ANKRD13C: variants seen among roughly 807,000 people sequenced by gnomAD.
ANKRD13C encodes the protein ankyrin repeat domain 13C, also known as ankyrin repeat domain-containing protein 13C.
ANKRD13C carries 16 observed loss-of-function variants against 65.5 expected under a neutral mutation model. The ratio of observed to expected loss-of-function variants is 0.24; its 90% CI spans 0.17 to 0.37. The LOEUF is 0.37. ANKRD13C is among the 10% of genes least tolerant of loss of function. The probability of loss-of-function intolerance (pLI) is 1.00; values close to 1 mark genes in which losing one functional copy is unlikely to be tolerated. For missense variants in ANKRD13C, 503 were observed against 655.9 expected (o/e 0.77, Z 2.55); for synonymous variants, 235 against 238.7 (o/e 0.98, Z 0.14).
intron 1 of ANKRD13C, among the ~76,000 whole-genome samples, chr1:70,348,952 C>CATA (rs1682639278): frequency 6.6e-6 from 1 of 152,146 alleles, no homozygotes; most frequent in Admixed American, 6.5e-5. Context: ...TTGAGCAATT[C>CATA]ATATGTTCAG....
intron 1 of ANKRD13C, among the ~76,000 whole-genome samples, chr1:70,345,387 C>T (rs1049751711): frequency 1.3e-5 from 2 of 151,870 alleles, no homozygotes; most frequent in Admixed American, 1.3e-4. Flanking sequence ...CGAAATCGCA[C>T]CATTGCACTC....
At chr1:70,267,266 A>G (rs1241643432) in intron 12 of ANKRD13C, among the ~76,000 whole-genome samples, 1 of 152,122 alleles carries the variant, frequency 6.6e-6, no homozygotes, top group Non-Finnish European at 1.5e-5. Flanking sequence ...TAGTGTTTGC[A>G]TGATATATCT....
chr1:70,310,418 C>A (rs1304366946), intron 5 of ANKRD13C, among the ~76,000 whole-genome samples: 1 of 152,112 alleles, frequency 6.6e-6, no homozygotes, highest in African/African-American at 2.4e-5. Flanking sequence ...CTAATCATCA[C>A]GTATTAATAG....
At chr1:70,344,279 G>C (rs1195678575) in intron 1 of ANKRD13C, among the ~76,000 whole-genome samples, 1 of 130,658 alleles carries the variant, frequency 7.7e-6, no homozygotes, top group African/African-American at 3.0e-5. Flanking sequence ...CTGGGCAACA[G>C]AGCAAGATTC....
intron 9 of ANKRD13C, among the ~76,000 whole-genome samples, chr1:70,280,233 G>T (rs1679327943): frequency 6.6e-6 from 1 of 152,130 alleles, no homozygotes; most frequent in Non-Finnish European, 1.5e-5. Flanking sequence ...GGTGACAGGG[G>T]CTACAGAATG....
chr1:70,299,270 A>T (rs569718434), intron 7 of ANKRD13C, among the ~76,000 whole-genome samples: 75 of 152,312 alleles, frequency 4.9e-4, no homozygotes, highest in Non-Finnish European at 7.5e-4. Context: ...GGGTATCTAA[A>T]ATAGTAAGGT....
intron 9 of ANKRD13C, among the ~76,000 whole-genome samples, chr1:70,277,591 T>C (rs908038572): frequency 8.1e-5 from 12 of 148,448 alleles, no homozygotes; most frequent in African/African-American, 2.5e-4. Context: ...TTATAGAAAA[T>C]AGAAAATATA....
At chr1:70,336,803 G>T (rs1356532686) in intron 1 of ANKRD13C, among the ~76,000 whole-genome samples, 1 of 152,142 alleles carries the variant, frequency 6.6e-6, no homozygotes, top group Non-Finnish European at 1.5e-5. Flanking sequence ...AGTAAAGAAT[G>T]ATATTGGAAT....
rs1680116683 is a variant in ANKRD13C at position 70,297,181 on chromosome 1, AAT to A, written c.922-922_922-921del. On this transcript the variant is annotated intron_variant, in intron 7 of 12. Coordinates refer to ENST00000370944, the MANE Select transcript of ANKRD13C (RefSeq NM_030816.5). ...AATAATAACAGTCCCTAGGGTTTACAATAGTTAGAGCCTTCATTCTCCAAACC... is the reference window on the plus strand; with the variant it reads ...AATAATAACAGTCCCTAGGGTTTACAAGTTAGAGCCTTCATTCTCCAAACC... Among the ~76,000 whole-genome samples, 3 of 152,068 alleles carry A rather than the reference AAT, an allele frequency of 2.0e-5. No homozygotes were observed. In the South Asian group the frequency reaches 6.2e-4, roughly 32 times the overall value.
chr1:70,324,104 G>A (rs1681432729), intron 3 of ANKRD13C, among the ~76,000 whole-genome samples: 1 of 152,130 alleles, frequency 6.6e-6, no homozygotes, highest in African/African-American at 2.4e-5. Context: ...ACACCTAGGA[G>A]AGTTCCACAT....
At position 70,336,041 on chromosome 1, in the gene ANKRD13C, A is replaced by G. The variant is rs1225360445; in HGVS notation, c.472+17T>C. 4 of 799,550 alleles carry G rather than the reference A, an allele frequency of 5.0e-6. No individual in the cohort carries two copies. Among genetic ancestry groups the G allele is most frequent in the South Asian group, 4.8e-5 (2 of 41,538 alleles). The allele number at this position is 799,550 out of a possible 1,614,324, so 49.5% of individuals were successfully genotyped here. ...TATAAATGAAGTTAAACATAAAAAA[A>G]GAAAATATTTACTAACCTTTATTTC... On this transcript the variant is annotated intron_variant, in intron 2 of 12. Coordinates refer to ENST00000370944, the MANE Select transcript of ANKRD13C (RefSeq NM_030816.5).
chr1:70,342,614 A>G (rs1415653276), intron 1 of ANKRD13C, among the ~76,000 whole-genome samples: 1 of 151,646 alleles, frequency 6.6e-6, no homozygotes, highest in African/African-American at 2.4e-5. Context: ...TTTTGTATCA[A>G]TAGTGGAAGA....
Position 70,321,061 on chromosome 1 carries a change from T to A in ANKRD13C, c.577+3792A>T, listed in dbSNP as rs563721591. ...CTGGGGTTACTGGCATCTAATATAA[T>A]ACTTTAAAGAAAAATTTTGATTCTT... On this transcript the variant is annotated intron_variant, in intron 3 of 12. Transcript: ENST00000370944. 3.3e-5 allele frequency among the ~76,000 whole-genome samples: 5 copies of A among 152,304 alleles called. No homozygotes were observed. The East Asian group carries it at 9.6e-4, about 29-fold the overall frequency.
At chr1:70,345,668 C>T (rs1460022190) in intron 1 of ANKRD13C, among the ~76,000 whole-genome samples, 3 of 152,112 alleles carry the variant, frequency 2.0e-5, no homozygotes, top group Non-Finnish European at 4.4e-5. Flanking sequence ...GCAATATCAC[C>T]TCCAATCTGA....
At chr1:70,343,695 A>G (rs1467011471) in intron 1 of ANKRD13C, among the ~76,000 whole-genome samples, 2 of 151,982 alleles carry the variant, frequency 1.3e-5, no homozygotes, top group Non-Finnish European at 2.9e-5. Flanking sequence ...ACCATGCCCG[A>G]CTAATTTTTG....
chr1:70,291,127 C>T (rs72929259), intron 9 of ANKRD13C, among the ~76,000 whole-genome samples: 15,268 of 151,936 alleles, frequency 0.1, 2,556 homozygotes, highest in African/African-American at 0.35. Flanking sequence ...ACCTCCCAGT[C>T]TCAAGCGATT....
intron 2 of ANKRD13C, among the ~76,000 whole-genome samples, chr1:70,334,799 C>T (rs911313257): frequency 1.3e-5 from 2 of 151,664 alleles, no homozygotes; most frequent in Non-Finnish European, 2.9e-5. Context: ...CCAGCTACTC[C>T]GGAGGCTGAG....
At chr1:70,299,776 C>A (rs933503160) in intron 7 of ANKRD13C, among the ~76,000 whole-genome samples, 3 of 152,122 alleles carry the variant, frequency 2.0e-5, no homozygotes, top group Non-Finnish European at 4.4e-5. Flanking sequence ...TTTTGAGGTA[C>A]CTGGGAGACA....
At chr1:70,301,624 C>T (rs1680359887) in intron 6 of ANKRD13C, among the ~76,000 whole-genome samples, 1 of 152,198 alleles carries the variant, frequency 6.6e-6, no homozygotes, top group Non-Finnish European at 1.5e-5. Flanking sequence ...TCTCCACACC[C>T]TGGAAACCTT....
Sources: gnomAD v4.1 joint callset for allele counts (sites outside exome capture counted in the v4.1 genomes callset) on GRCh38, gnomAD v4.1.1 for gene constraint, MANE v1.5 for transcripts, NCBI Gene and HGNC (gene_info 2026-07-23, HGNC 2026-07-21) for gene names.